The following GALNT18 variants were observed in gnomAD, a reference collection of about 807,000 sequenced individuals.
GALNT18 encodes the protein GalNAc-transferase 18.
A neutral mutation model predicts 69.5 loss-of-function variants in GALNT18; 44 were observed. The observed-to-expected ratio is 0.63, with a 90% CI of 0.50 to 0.81. The LOEUF is 0.81. Among genes scored for constraint, GALNT18 ranks in the 40% least tolerant of loss-of-function variants. The pLI is 0.00. For missense variants in GALNT18, 715 were observed against 810.0 expected (o/e 0.88, Z 1.42); for synonymous variants, 364 against 318.2 (o/e 1.14, Z -1.53).
intron 3 of GALNT18, 21 bp from the exon 4 acceptor site, chr11:11,379,285 C>A: frequency 1.2e-6 from 2 of 1,604,248 alleles, no homozygotes; most frequent in South Asian, 1.1e-5. Flanking sequence ...GAAAATGCAG[C>A]CTTAGCATGG....
intron 8 of GALNT18, among the ~76,000 whole-genome samples, chr11:11,329,899 G>A (rs1040182570): frequency 1.8e-4 from 27 of 152,316 alleles, no homozygotes; most frequent in African/African-American, 6.5e-4. Context: ...TGTAACATAT[G>A]CCCTATGAAA....
chr11:11,309,748 G>A lies in GALNT18; in HGVS notation c.1513-16555C>T, dbSNP rs148786258. On this transcript the variant is annotated intron_variant, in intron 9 of 10. Coordinates refer to ENST00000227756, the MANE Select transcript of GALNT18 (RefSeq NM_198516.3). This position sits in a 1 kb window ranked among gnomAD's most constrained non-coding sequence, Gnocchi z 4.6. ...CAGCTGAGCCACTTTCACTCTGCAG[G>A]GTTTCTAAACCTTCTCCATTCTCTC... is the stretch of plus-strand genomic sequence containing the variant. Among the ~76,000 whole-genome samples, 1,111 of 152,046 alleles carry A rather than the reference G, an allele frequency of 7.3e-3. 17 individuals are homozygous for A. Among genetic ancestry groups the A allele is most frequent in the African/African-American group, 0.026 (1,075 of 41,458 alleles).
Position 11,561,163 on chromosome 11 carries a change from CA to C in GALNT18, c.235+60195del, listed in dbSNP as rs140323013. ...AAAAATCCATGAGAAACAGCAGCAGCAGAAACTGCGAGGCGCCTTTTTCAGG... is the reference window on the plus strand; with the variant it reads ...AAAAATCCATGAGAAACAGCAGCAGCGAAACTGCGAGGCGCCTTTTTCAGG... On this transcript the variant is annotated intron_variant, in intron 1 of 10. Transcript: ENST00000227756. 7.2e-3 allele frequency among the ~76,000 whole-genome samples: 1,100 copies of C among 152,220 alleles called. 14 individuals carry two copies. Among genetic ancestry groups the C allele is most frequent in the African/African-American group, 0.025 (1,051 of 41,528 alleles).
chr11:11,607,224 C>T (rs1859778446), intron 1 of GALNT18, among the ~76,000 whole-genome samples: 1 of 152,170 alleles, frequency 6.6e-6, no homozygotes, highest in African/African-American at 2.4e-5. Flanking sequence ...ACAGCTGGCT[C>T]TTGTTGAAAA....
intron 10 of GALNT18, among the ~76,000 whole-genome samples, chr11:11,285,902 C>T (rs1303854504): frequency 6.6e-6 from 1 of 152,234 alleles, no homozygotes; most frequent in Non-Finnish European, 1.5e-5. Context: ...CCTCACAAAT[C>T]AGAGCCAATT....
chr11:11,489,747 G>A lies in GALNT18; in HGVS notation c.236-40811C>T, dbSNP rs138928246. 5.3e-5 allele frequency among the ~76,000 whole-genome samples: 8 copies of A among 152,296 alleles called. No individual in the cohort carries two copies. The East Asian group carries it at 1.2e-3, about 22-fold the overall frequency. On this transcript the variant is annotated intron_variant, in intron 1 of 10. Transcript: ENST00000227756. ...TACCAAGTGCAAGGTCCTGGTCAACGAGCATATGTGTTAACTCTTATTCCT... is the reference window on the plus strand; with the variant it reads ...TACCAAGTGCAAGGTCCTGGTCAACAAGCATATGTGTTAACTCTTATTCCT...
At chr11:11,344,307 C>A (rs943761806) in intron 6 of GALNT18, among the ~76,000 whole-genome samples, 1 of 152,200 alleles carries the variant, frequency 6.6e-6, no homozygotes, top group African/African-American at 2.4e-5. Flanking sequence ...CGTACCCAAC[C>A]CTGCCTGCCT....
chr11:11,371,158 C>T (rs146608994), intron 6 of GALNT18, among the ~76,000 whole-genome samples: 4 of 152,302 alleles, frequency 2.6e-5, no homozygotes, highest in South Asian at 2.1e-4. Flanking sequence ...CTGCTCATGT[C>T]GCCAGTCCTC....
At position 11,463,114 on chromosome 11, in the gene GALNT18, G is replaced by C. The variant is rs1260157460; in HGVS notation, c.236-14178C>G. 6.6e-6 allele frequency among the ~76,000 whole-genome samples: 1 copy of C among 152,028 alleles called. No homozygotes were observed. Among genetic ancestry groups the C allele is most frequent in the Non-Finnish European group, 1.5e-5 (1 of 68,000 alleles). On this transcript the variant is annotated intron_variant, in intron 1 of 10. Transcript: ENST00000227756. The surrounding 1 kb of genome is among the most constrained non-coding windows in gnomAD (Gnocchi z 4.2). ...CAATCACAAGACCCTGGAACTATTA[G>C]TACAGTCTCCCACAAGAGAACAGGG...
intron 2 of GALNT18, among the ~76,000 whole-genome samples, chr11:11,441,635 TTAAA>T (rs1855533415): frequency 6.6e-6 from 1 of 152,118 alleles, no homozygotes; most frequent in South Asian, 2.1e-4. Flanking sequence ...GAGGATAAAA[TTAAA>T]TAGGAAAGTG....
intron 3 of GALNT18, among the ~76,000 whole-genome samples, chr11:11,381,619 C>T (rs1321237262): frequency 5.9e-5 from 9 of 152,324 alleles, no homozygotes; most frequent in East Asian, 1.9e-4. Context: ...AGGGACCCTG[C>T]GCAAGTTCCA....
intron 9 of GALNT18, among the ~76,000 whole-genome samples, chr11:11,325,666 G>A (rs558159926): frequency 6.6e-6 from 1 of 152,098 alleles, no homozygotes; most frequent in Non-Finnish European, 1.5e-5. Context: ...AATTGATTAA[G>A]CTGTACACTT....
intron 3 of GALNT18, among the ~76,000 whole-genome samples, chr11:11,428,167 A>G (rs553553520): frequency 6.6e-6 from 1 of 152,354 alleles, no homozygotes; most frequent in East Asian, 1.9e-4. Flanking sequence ...GCCCAAGAGA[A>G]GCAGCTCCCC....
At chr11:11,285,358 A>AG in intron 10 of GALNT18, among the ~76,000 whole-genome samples, 1 of 152,170 alleles carries the variant, frequency 6.6e-6, no homozygotes, top group Non-Finnish European at 1.5e-5. Flanking sequence ...TTATAGCGCT[A>AG]TCATAGGGAT....
At chr11:11,477,201 G>C (rs1276095815) in intron 1 of GALNT18, among the ~76,000 whole-genome samples, 1 of 152,210 alleles carries the variant, frequency 6.6e-6, no homozygotes, top group Non-Finnish European at 1.5e-5. Context: ...ACCCATGGAG[G>C]GAATGCCAGC....
chr11:11,348,036 G>A (rs1850332900), intron 6 of GALNT18, among the ~76,000 whole-genome samples: 1 of 151,832 alleles, frequency 6.6e-6, no homozygotes, highest in African/African-American at 2.4e-5. Context: ...TTTGTACCCT[G>A]GGCATTTCAC....
chr11:11,407,148 C>T (rs1854606741), intron 3 of GALNT18, among the ~76,000 whole-genome samples: 1 of 152,216 alleles, frequency 6.6e-6, no homozygotes, highest in African/African-American at 2.4e-5. Context: ...TGGGATTTTA[C>T]ACGTCATAGG....
rs113329138 is a variant in GALNT18, at chr11:11,276,251, C to A, written c.1678-4961G>T. On this transcript the variant is annotated intron_variant, in intron 10 of 10. Transcript: ENST00000227756. ...TCTCCTTGAAGAGGTCCTTCACATC[C>A]CTTGTAAGTTGGATTCCTAGGTATT... 2.9e-3 allele frequency among the ~76,000 whole-genome samples: 448 copies of A among 152,214 alleles called. 6 individuals carry two copies. Among genetic ancestry groups the A allele is most frequent in the African/African-American group, 0.01 (418 of 41,530 alleles).
At chr11:11,369,516 T>A (rs1475759242) in intron 6 of GALNT18, among the ~76,000 whole-genome samples, 1 of 152,166 alleles carries the variant, frequency 6.6e-6, no homozygotes, top group East Asian at 1.9e-4. Flanking sequence ...CACAATTTTG[T>A]CTTAACTTGA....
Sources: allele counts gnomAD v4.1 joint callset (sites outside exome capture counted in the v4.1 genomes callset), GRCh38; gene constraint gnomAD v4.1.1; non-coding constraint Gnocchi (gnomAD v3.1); transcripts MANE v1.5; gene names NCBI Gene and HGNC (gene_info 2026-07-23, HGNC 2026-07-21).